ROBO2: variants seen among roughly 807,000 people sequenced by gnomAD.
The protein encoded by ROBO2 is roundabout guidance receptor 2.
Under a neutral mutation model 160.8 loss-of-function variants are expected in ROBO2, and 53 were observed. The ratio of observed to expected loss-of-function variants is 0.33; its 90% confidence interval spans 0.26 to 0.41. The LOEUF is 0.41. Among genes scored for constraint, ROBO2 ranks in the 10% least tolerant of loss-of-function variants. ROBO2 has a pLI of 1.00. For missense variants in ROBO2, 1,577 were observed against 1,722.4 expected (o/e 0.92, Z 1.49); for synonymous variants, 664 against 611.7 (o/e 1.09, Z -1.26).
intron 1 of ROBO2, 95 bp from the exon 2 acceptor site, chr3:77,097,919 C>T (rs905692277): frequency 9.4e-6 from 10 of 1,068,898 alleles, no homozygotes; most frequent in Non-Finnish European, 1.3e-5. Flanking sequence ...GTTGGATAAT[C>T]GAAGAGTTTA....
intron 2 of ROBO2, among the ~76,000 whole-genome samples, chr3:76,022,433 A>G (rs2066600368): frequency 6.6e-6 from 1 of 151,798 alleles, no homozygotes; most frequent in Admixed American, 6.6e-5. Flanking sequence ...TTATGGCAGC[A>G]ATAACCTTAT....
chr3:76,336,831 G>A (rs1018421975), intron 2 of ROBO2, among the ~76,000 whole-genome samples: 4 of 151,988 alleles, frequency 2.6e-5, no homozygotes, highest in Non-Finnish European at 4.4e-5. Context: ...CATTTAACAG[G>A]AAGCTGGATA....
intron 2 of ROBO2, among the ~76,000 whole-genome samples, chr3:77,414,267 G>T (rs888563780): frequency 1.3e-5 from 2 of 152,182 alleles, no homozygotes; most frequent in African/African-American, 2.4e-5. Context: ...GCAATGTGGA[G>T]ATTATGGGCC....
At chr3:76,785,352 A>C (rs1227668409) in intron 2 of ROBO2, among the ~76,000 whole-genome samples, 1 of 151,206 alleles carries the variant, frequency 6.6e-6, no homozygotes, top group Non-Finnish European at 1.5e-5. Context: ...TGGAGCATTC[A>C]TTGAACTCTT....
chr3:77,577,530 T>C (rs1459362119), exon 15 of ROBO2: 2 of 1,613,390 alleles, frequency 1.2e-6, no homozygotes, highest in East Asian at 4.5e-5. Flanking sequence ...TACTGACAGT[T>C]GGAAGCTACA....
intron 2 of ROBO2, among the ~76,000 whole-genome samples, chr3:76,815,281 T>C (rs1043451119): frequency 3.3e-5 from 5 of 152,156 alleles, no homozygotes; most frequent in Middle Eastern, 3.4e-3. Context: ...GGAAAGTAGA[T>C]AACTTGAAAA....
intron 2 of ROBO2, among the ~76,000 whole-genome samples, chr3:76,365,694 T>A (rs555020719): frequency 6.6e-6 from 1 of 152,082 alleles, no homozygotes; most frequent in African/African-American, 2.4e-5. Flanking sequence ...TACAATTAGA[T>A]CCATAAAATG....
intron 19 of ROBO2, among the ~76,000 whole-genome samples, chr3:77,598,518 T>A (rs2094360107): frequency 9.8e-6 from 1 of 102,202 alleles, no homozygotes; most frequent in African/African-American, 3.5e-5. Flanking sequence ...CACACATATA[T>A]ATATATGTGT....
chr3:76,383,076 A>G (rs2076714626), intron 2 of ROBO2, among the ~76,000 whole-genome samples: 1 of 152,210 alleles, frequency 6.6e-6, no homozygotes, highest in Non-Finnish European at 1.5e-5. Flanking sequence ...ACATTGAACA[A>G]TTTTTTGAAA....
chr3:76,367,011 G>A (rs2108445761), intron 2 of ROBO2, among the ~76,000 whole-genome samples: 1 of 152,074 alleles, frequency 6.6e-6, no homozygotes, highest in Admixed American at 6.6e-5. Context: ...AATATAGAAT[G>A]TAAGCAGAAA....
At chr3:76,524,162 A>ATTTG (rs2081800457) in intron 2 of ROBO2, among the ~76,000 whole-genome samples, 1 of 152,206 alleles carries the variant, frequency 6.6e-6, no homozygotes, top group Non-Finnish European at 1.5e-5. Context: ...GAACTTGTGA[A>ATTTG]TTTGTGTACA....
At chr3:77,292,274 G>C (rs559081752) in intron 2 of ROBO2, among the ~76,000 whole-genome samples, 1 of 151,302 alleles carries the variant, frequency 6.6e-6, no homozygotes, top group African/African-American at 2.4e-5. Context: ...GTAAGCTGAG[G>C]CTAGATCACC....
intron 2 of ROBO2, among the ~76,000 whole-genome samples, chr3:76,700,843 G>T (rs2093032385): frequency 6.6e-6 from 1 of 152,116 alleles, no homozygotes; most frequent in Non-Finnish European, 1.5e-5. Flanking sequence ...TACAATTTTA[G>T]ACTGTGTTAT....
At chr3:77,542,707 G>A (rs532429742) in intron 6 of ROBO2, among the ~76,000 whole-genome samples, 1 of 152,176 alleles carries the variant, frequency 6.6e-6, no homozygotes, top group Non-Finnish European at 1.5e-5. Flanking sequence ...TCCTTTAAAA[G>A]CCCTGATGAA....
intron 2 of ROBO2, among the ~76,000 whole-genome samples, chr3:76,685,029 C>T (rs1456703813): frequency 1.3e-5 from 2 of 151,862 alleles, no homozygotes; most frequent in African/African-American, 2.4e-5. Context: ...ATTCCCCCAC[C>T]CCCAGAAGGA....
At chr3:77,186,229 G>A (rs1181335011) in intron 2 of ROBO2, among the ~76,000 whole-genome samples, 1 of 151,716 alleles carries the variant, frequency 6.6e-6, no homozygotes, top group African/African-American at 2.4e-5. Context: ...GTTAGAAGTA[G>A]ACAAAAATGT....
In ROBO2 at chr3:77,141,116, T is replaced by C. The variant is rs373745550; in HGVS notation, c.388+42776T>C. Among the ~76,000 whole-genome samples, 47 of 152,362 alleles carry C rather than the reference T, an allele frequency of 3.1e-4. No individual in the cohort carries two copies. The East Asian group carries it at 3.9e-3, about 12-fold the overall frequency. On this transcript the variant is annotated intron_variant, in intron 2 of 25. Coordinates refer to ENST00000461745, the Ensembl canonical transcript of ROBO2. ...CAAAGAAAGTGTATGAAGTATTTCC[T>C]GAAATGAACAATGTAATTTGATCTT...
At chr3:77,416,716 C>CAAAAAA (rs61204363) in intron 2 of ROBO2, among the ~76,000 whole-genome samples, 4 of 90,010 alleles carry the variant, frequency 4.4e-5, no homozygotes, top group Non-Finnish European at 6.6e-5. Context: ...GATTCCATCT[C>CAAAAAA]AAAAAAAAAA....
At chr3:77,414,246 C>T (rs371442812) in intron 2 of ROBO2, among the ~76,000 whole-genome samples, 37 of 152,116 alleles carry the variant, frequency 2.4e-4, no homozygotes, top group Non-Finnish European at 4.0e-4. Flanking sequence ...AAGAACTGAC[C>T]GTTGGAAACA....
Sources: allele counts gnomAD v4.1 joint callset (sites outside exome capture counted in the v4.1 genomes callset), GRCh38; gene constraint gnomAD v4.1.1; transcripts MANE v1.5; gene names NCBI Gene and HGNC (gene_info 2026-07-23, HGNC 2026-07-21).